Variants in SCMH1 observed in about 807,000 individuals in gnomAD.
The protein encoded by SCMH1 is Scm polycomb group protein homolog 1, also known as polycomb protein SCMH1.
Under a neutral mutation model 70.8 loss-of-function variants are expected in SCMH1, and 37 were observed. The observed-to-expected ratio is 0.52, with a 90% CI of 0.40 to 0.69. SCMH1 has a LOEUF of 0.69. SCMH1 is among the 30% of genes least tolerant of loss of function. SCMH1 has a pLI of 0.00. For synonymous variants in SCMH1, 292 were observed against 307.4 expected, an observed-to-expected ratio of 0.95 and a Z score of 0.52; for missense variants, 607 against 827.3, an observed-to-expected ratio of 0.73 and a Z score of 3.27.
chr1:41,042,827 AGTAAGTATTT>A (rs879746609), intron 12 of SCMH1, among the ~76,000 whole-genome samples: 22 of 152,222 alleles, frequency 1.4e-4, no homozygotes, highest in African/African-American at 4.6e-4. Flanking sequence ...TCGGGCACAG[AGTAAGTATTT>A]GTAAATATTT....
intron 8 of SCMH1, among the ~76,000 whole-genome samples, chr1:41,076,384 T>G (rs1658287200): frequency 1.3e-5 from 2 of 152,172 alleles, no homozygotes; most frequent in South Asian, 4.1e-4. Context: ...CTGAGAATTT[T>G]TTGAGGTAAG....
chr1:41,153,242 G>T (rs933699759), intron 4 of SCMH1, among the ~76,000 whole-genome samples: 7 of 152,090 alleles, frequency 4.6e-5, no homozygotes, highest in Admixed American at 1.3e-4. Flanking sequence ...TGACTAAAAT[G>T]TTCTGTATCT....
At chr1:41,070,682 G>C (rs1312839283) in exon 10 of SCMH1, 2 of 1,614,104 alleles carry the variant, frequency 1.2e-6, no homozygotes, top group South Asian at 2.2e-5. Context: ...CTGGTTGTTG[G>C]TGAGGCAGGT....
chr1:41,222,585 G>A (rs1394763547), intron 1 of SCMH1, among the ~76,000 whole-genome samples: 1 of 152,128 alleles, frequency 6.6e-6, no homozygotes, highest in Non-Finnish European at 1.5e-5. Flanking sequence ...CTAAGGGGAA[G>A]ATGGCATTAT....
intron 6 of SCMH1, among the ~76,000 whole-genome samples, chr1:41,122,588 T>A (rs1372237079): frequency 6.6e-6 from 1 of 152,212 alleles, no homozygotes; most frequent in Non-Finnish European, 1.5e-5. Flanking sequence ...CGCTTTATTA[T>A]GTTATTCCAC....
intron 3 of SCMH1, 38 bp from the exon 4 acceptor site, chr1:41,160,936 G>A: frequency 2.6e-6 from 4 of 1,539,156 alleles, no homozygotes; most frequent in Non-Finnish European, 3.5e-6. Flanking sequence ...AAGTCATTAA[G>A]ACAAACATAC....
intron 1 of SCMH1, among the ~76,000 whole-genome samples, chr1:41,196,232 G>A (rs926065262): frequency 6.6e-6 from 1 of 151,932 alleles, no homozygotes; most frequent in East Asian, 1.9e-4. Flanking sequence ...AATTCACAAA[G>A]AATCTTAAAG....
intron 1 of SCMH1, among the ~76,000 whole-genome samples, chr1:41,200,942 C>G (rs1422547374): frequency 6.6e-6 from 1 of 150,998 alleles, no homozygotes; most frequent in Admixed American, 6.6e-5. Context: ...TTTTTTTTAT[C>G]AGTTCACACA....
intron 13 of SCMH1, among the ~76,000 whole-genome samples, chr1:41,029,554 T>A (rs879823536): frequency 2.0e-5 from 3 of 152,220 alleles, no homozygotes; most frequent in Admixed American, 2.0e-4. Context: ...AGTGTTTTGC[T>A]TGGAGCTTTC....
intron 8 of SCMH1, among the ~76,000 whole-genome samples, chr1:41,089,787 C>CCTTTTTTTTT (rs1662801976): frequency 1.7e-5 from 1 of 58,756 alleles, no homozygotes; most frequent in African/African-American, 7.4e-5. Context: ...CATGTTGTCT[C>CCTTTTTTTTT]TTTTTTTTTT....
chr1:41,052,084 T>C (rs1240633200), intron 10 of SCMH1, among the ~76,000 whole-genome samples: 4 of 152,240 alleles, frequency 2.6e-5, no homozygotes, highest in African/African-American at 7.2e-5. Flanking sequence ...TACTTAACCA[T>C]TGTGCTGCAA....
chr1:41,167,068 G>T (rs1646458047), intron 2 of SCMH1, among the ~76,000 whole-genome samples: 1 of 151,992 alleles, frequency 6.6e-6, no homozygotes. Flanking sequence ...GTTGAATTTT[G>T]TCAAATGCAT....
At position 41,059,306 on chromosome 1, in the gene SCMH1, T is replaced by C. The variant is rs542520493; in HGVS notation, c.1106-10416A>G. Among the ~76,000 whole-genome samples the C allele has an allele frequency of 2.0e-5, 3 of 152,324 alleles. No homozygotes were observed. In the East Asian group the frequency reaches 5.8e-4, roughly 29 times the overall value. ...CGTGCCCAAATGTTGCCTTTTGGCC[T>C]GCCATGCCCCCTTATCCTGTACCCA... On this transcript the variant is annotated intron_variant, in intron 10 of 14. Coordinates refer to ENST00000337495, the Ensembl canonical transcript of SCMH1.
chr1:41,205,287 G>C (rs1655255563), intron 1 of SCMH1, among the ~76,000 whole-genome samples: 1 of 152,174 alleles, frequency 6.6e-6, no homozygotes, highest in Non-Finnish European at 1.5e-5. Flanking sequence ...CCCTTTCCTA[G>C]CCAAGGGAGG....
chr1:41,240,724 A>T (rs1663333063), intron 1 of SCMH1, among the ~76,000 whole-genome samples: 2 of 151,734 alleles, frequency 1.3e-5, no homozygotes, highest in African/African-American at 4.8e-5. Flanking sequence ...AGTTTGTTTG[A>T]ACAAACACTA....
chr1:41,166,878 T>C (rs1646446020), intron 2 of SCMH1, among the ~76,000 whole-genome samples: 1 of 152,176 alleles, frequency 6.6e-6, no homozygotes. Flanking sequence ...TCTGGTACTA[T>C]GTTGAACAGA....
At chr1:41,036,370 T>A (rs1219081109) in intron 13 of SCMH1, among the ~76,000 whole-genome samples, 1 of 152,278 alleles carries the variant, frequency 6.6e-6, no homozygotes, top group African/African-American at 2.4e-5. Context: ...TCTGGCCACA[T>A]CTAGAAACCT....
chr1:41,172,361 C>T (rs1468137352), intron 2 of SCMH1, among the ~76,000 whole-genome samples: 2 of 151,266 alleles, frequency 1.3e-5, no homozygotes, highest in African/African-American at 4.9e-5. Context: ...AAAAAACCTA[C>T]AAATAAATTT....
In SCMH1 at chr1:41,116,921, C is replaced by A. The variant is rs1013983576; in HGVS notation, c.501+1G>T. ...CTGGTGATATCTGAGGGATAGCCTA[C>A]CTTGTGGAAAATCCTGATGGGAGCC... On this transcript the variant is annotated splice_donor_variant, in intron 7 of 14. Transcript: ENST00000337495. LOFTEE classifies it high-confidence loss of function. 1.3e-6 allele frequency: 2 copies of A among 1,596,144 alleles called. No individual in the cohort carries two copies. The highest frequency in any genetic ancestry group is 1.1e-5 in the South Asian group (1 of 87,042).
Sources: allele counts gnomAD v4.1 joint callset (sites outside exome capture counted in the v4.1 genomes callset), GRCh38; gene constraint gnomAD v4.1.1; transcripts MANE v1.5; gene names NCBI Gene and HGNC (gene_info 2026-07-23, HGNC 2026-07-21).